Variants in DCUN1D4 observed in about 807,000 individuals in gnomAD.
The protein encoded by DCUN1D4 is defective in cullin neddylation 1 domain containing 4, also known as DCN1-like protein 4.
A neutral mutation model predicts 47.9 loss-of-function variants in DCUN1D4; 22 were observed. That is an observed-to-expected ratio of 0.46 (90% CI 0.33 to 0.66). The LOEUF is 0.66. DCUN1D4 is among the 30% of genes least tolerant of loss of function. DCUN1D4 has a pLI of 0.02. For missense variants in DCUN1D4, 301 were observed against 340.8 expected (o/e 0.88, Z 0.92); for synonymous variants, 121 against 112.2 (o/e 1.08, Z -0.50).
rs529291917 is a variant in DCUN1D4 at position 51,891,933 on chromosome 4, TTGAG to T, written c.506+89_506+92del. ...TCCTCCCTAGGACTTCAGGAGGTGA[TTGAG>T]TGAGTGGAAGGAAGTCAGGTGGTCT... On this transcript the variant is annotated intron_variant, in intron 7 of 10. Transcript: ENST00000334635. 2.4e-5 allele frequency: 25 copies of T among 1,063,458 alleles called. No individual in the cohort carries two copies. In the East Asian group the frequency reaches 4.9e-4, roughly 21 times the overall value. 65.9% of individuals were successfully genotyped at this position (1,063,458 alleles called of 1,614,324 possible). A position where few individuals can be genotyped will look rare whatever the true frequency, so the allele number is the denominator to read the frequency against.
At chr4:51,880,467 A>G (rs1287498696) in intron 5 of DCUN1D4, among the ~76,000 whole-genome samples, 1 of 152,192 alleles carries the variant, frequency 6.6e-6, no homozygotes, top group South Asian at 2.1e-4. Flanking sequence ...ATGGACCTTC[A>G]GCTCTTCCCA....
intron 1 of DCUN1D4, among the ~76,000 whole-genome samples, chr4:51,853,194 T>C (rs1723625391): frequency 6.6e-6 from 1 of 152,102 alleles, no homozygotes; most frequent in Admixed American, 6.5e-5. Flanking sequence ...GATGGTTTCT[T>C]CTCCCAGCCC....
At chr4:51,889,568 G>A (rs1424231759) in intron 6 of DCUN1D4, among the ~76,000 whole-genome samples, 1 of 152,108 alleles carries the variant, frequency 6.6e-6, no homozygotes, top group Non-Finnish European at 1.5e-5. Flanking sequence ...TCATGCTTGT[G>A]TGTGTGTGTT....
chr4:51,874,949 T>G (rs1727444331), intron 4 of DCUN1D4: 1 of 152,252 alleles, frequency 6.6e-6, no homozygotes, highest in Non-Finnish European at 1.5e-5. Context: ...ACATCTTTAT[T>G]GTTTCACCCT....
At chr4:51,871,454 T>C (rs145888782) in intron 3 of DCUN1D4, among the ~76,000 whole-genome samples, 222 of 152,344 alleles carry the variant, frequency 1.5e-3, no homozygotes, top group Middle Eastern at 0.014. Context: ...AATGAACTTT[T>C]ATTGGTGAAT....
intron 1 of DCUN1D4, among the ~76,000 whole-genome samples, chr4:51,855,413 G>A (rs962827838): frequency 6.6e-6 from 1 of 152,180 alleles, no homozygotes; most frequent in Non-Finnish European, 1.5e-5. Context: ...TCAGGAAGTG[G>A]TAAGTGCTAT....
At chr4:51,897,817 A>C (rs1731498400) in intron 7 of DCUN1D4, among the ~76,000 whole-genome samples, 1 of 152,248 alleles carries the variant, frequency 6.6e-6, no homozygotes, top group Non-Finnish European at 1.5e-5. Flanking sequence ...CCAAATGGGG[A>C]AAGTTTCTAC....
At chr4:51,886,884 C>T in intron 6 of DCUN1D4, 1 of 466,444 alleles carries the variant, frequency 2.1e-6, no homozygotes, top group Non-Finnish European at 3.9e-6. Context: ...TACAGTAAGC[C>T]AGATGCTTAC....
intron 1 of DCUN1D4, among the ~76,000 whole-genome samples, chr4:51,854,308 A>G (rs1723803921): frequency 6.6e-6 from 1 of 152,168 alleles, no homozygotes; most frequent in South Asian, 2.1e-4. Flanking sequence ...GGTACATTTT[A>G]TATTTCAGGT....
At chr4:51,864,741 C>T (rs924393120) in intron 3 of DCUN1D4, among the ~76,000 whole-genome samples, 3 of 152,180 alleles carry the variant, frequency 2.0e-5, no homozygotes, top group Non-Finnish European at 4.4e-5. Context: ...CCCAACTCTA[C>T]CTCTTACTAC....
chr4:51,887,367 T>A (rs1729671010), intron 6 of DCUN1D4: 1 of 224,166 alleles, frequency 4.5e-6, no homozygotes, highest in Non-Finnish European at 9.1e-6. Flanking sequence ...CCCAAAGTGC[T>A]GGGATTATAG....
intron 1 of DCUN1D4, among the ~76,000 whole-genome samples, chr4:51,856,262 T>G (rs1245210634): frequency 6.6e-6 from 1 of 152,188 alleles, no homozygotes; most frequent in Non-Finnish European, 1.5e-5. Context: ...AAGAGCATAA[T>G]ACTGTTTAAA....
chr4:51,836,009 C>T, the DCUN1D4 span, among the ~76,000 whole-genome samples: 6 of 152,176 alleles, frequency 3.9e-5, no homozygotes, highest in Non-Finnish European at 7.3e-5. Flanking sequence ...ACTTAACCCA[C>T]CAGCCCCCTA....
chr4:51,899,197 T>C (rs1731730010), intron 7 of DCUN1D4, 73 bp from the exon 8 acceptor site: 1 of 1,466,648 alleles, frequency 6.8e-7, no homozygotes, highest in Non-Finnish European at 9.0e-7. Context: ...GTATTGTGTT[T>C]ATATTACTGC....
intron 1 of DCUN1D4, chr4:51,844,934 C>T: frequency 1.0e-6 from 1 of 985,504 alleles, no homozygotes; most frequent in Non-Finnish European, 1.2e-6. Context: ...TCTCGGGAGG[C>T]GGTTGAGTTC....
At chr4:51,881,391 TAAACTGGTCTGATAGC>T (rs1728593020) in intron 5 of DCUN1D4, among the ~76,000 whole-genome samples, 1 of 152,136 alleles carries the variant, frequency 6.6e-6, no homozygotes, top group African/African-American at 2.4e-5. Flanking sequence ...CAACAAATAA[TAAACTGGTCTGATAGC>T]GAAGGAAGAG....
intron 3 of DCUN1D4, chr4:51,865,623 G>T (rs574839230): frequency 1.3e-5 from 2 of 152,150 alleles, no homozygotes; most frequent in Non-Finnish European, 2.9e-5. Context: ...GTTTATAGTC[G>T]TGGTTTTTAA....
intron 6 of DCUN1D4, among the ~76,000 whole-genome samples, chr4:51,887,947 A>G (rs1274827069): frequency 4.7e-5 from 7 of 149,730 alleles, no homozygotes; most frequent in African/African-American, 1.7e-4. Flanking sequence ...AGGTATTTCA[A>G]TAAATTACCC....
At chr4:51,848,896 C>G (rs988827747) in intron 1 of DCUN1D4, among the ~76,000 whole-genome samples, 11 of 152,106 alleles carry the variant, frequency 7.2e-5, no homozygotes, top group Admixed American at 6.5e-4. Flanking sequence ...CCCCTGCCCT[C>G]TTCAAATAGC....
Sources: allele counts gnomAD v4.1 joint callset (sites outside exome capture counted in the v4.1 genomes callset), GRCh38; gene constraint gnomAD v4.1.1; transcripts MANE v1.5; gene names NCBI Gene and HGNC (gene_info 2026-07-23, HGNC 2026-07-21).